PTPN14: variants seen among roughly 807,000 people sequenced by gnomAD.
PTPN14 encodes the protein tyrosine-protein phosphatase non-receptor type 14.
A neutral mutation model predicts 126.8 loss-of-function variants in PTPN14; 53 were observed. That is an observed-to-expected ratio of 0.42 (90% CI 0.34 to 0.53). PTPN14 has a LOEUF of 0.53. Ranked by LOEUF, PTPN14 falls within the 20% of genes least tolerant of loss-of-function variation. The probability of loss-of-function intolerance (pLI) is 0.08; values close to 1 mark genes in which losing one functional copy is unlikely to be tolerated. For missense variants in PTPN14, 1,257 were observed against 1,552.9 expected (o/e 0.81, Z 3.20); for synonymous variants, 630 against 599.3 (o/e 1.05, Z -0.75).
At chr1:214,362,852 A>AT (rs1239405670) in intron 18 of PTPN14, among the ~76,000 whole-genome samples, 4 of 152,232 alleles carry the variant, frequency 2.6e-5, no homozygotes, top group African/African-American at 9.6e-5. Context: ...AAAGAAAAAA[A>AT]GAAAAGAAAA....
intron 1 of PTPN14, among the ~76,000 whole-genome samples, chr1:214,543,136 T>G (rs7541263): frequency 0.26 from 40,190 of 152,096 alleles, 8,050 homozygotes; most frequent in African/African-American, 0.56. Flanking sequence ...AATAATGGGG[T>G]ATTCTGCCTT....
intron 1 of PTPN14, among the ~76,000 whole-genome samples, chr1:214,467,287 G>A (rs1660662021): frequency 6.6e-6 from 1 of 151,964 alleles, no homozygotes; most frequent in South Asian, 2.1e-4. Context: ...GAACACAAGA[G>A]GCCAAGATTC....
At chr1:214,376,564 GTT>G (rs1301161672) in intron 14 of PTPN14, 127 bp from the exon 15 acceptor site, 5 of 786,078 alleles carry the variant, frequency 6.4e-6, no homozygotes, top group Non-Finnish European at 1.0e-5. Flanking sequence ...TCAATGCTTG[GTT>G]TGTCTCATTA....
chr1:214,362,724 G>A (rs956734493), intron 18 of PTPN14, among the ~76,000 whole-genome samples: 4 of 152,202 alleles, frequency 2.6e-5, no homozygotes, highest in African/African-American at 9.7e-5. Context: ...GGAAAGAAGT[G>A]GAGTGGCCAG....
chr1:214,475,554 C>T (rs187978283), intron 1 of PTPN14, among the ~76,000 whole-genome samples: 1 of 152,164 alleles, frequency 6.6e-6, no homozygotes, highest in Admixed American at 6.5e-5. Context: ...GGGAGATGTG[C>T]ATTCTGCAAC....
At chr1:214,424,026 G>T (rs1043550271) in intron 3 of PTPN14, among the ~76,000 whole-genome samples, 1 of 144,160 alleles carries the variant, frequency 6.9e-6, no homozygotes, top group Non-Finnish European at 1.5e-5. Flanking sequence ...GGCCGGGCAC[G>T]GTGGCTCATG....
At chr1:214,392,283 T>C (rs1658774169) in intron 10 of PTPN14, among the ~76,000 whole-genome samples, 1 of 152,022 alleles carries the variant, frequency 6.6e-6, no homozygotes, top group Non-Finnish European at 1.5e-5. Context: ...TTATACTTGG[T>C]TAGGAAGAAG....
At chr1:214,495,169 A>G (rs569879938) in intron 1 of PTPN14, among the ~76,000 whole-genome samples, 2 of 152,358 alleles carry the variant, frequency 1.3e-5, no homozygotes, top group East Asian at 1.9e-4. Flanking sequence ...TTTCAATACT[A>G]TGTTTGAATT....
rs901428748 is a variant in PTPN14 at position 214,384,847 on chromosome 1, C to T, written c.1067-59G>A. The T allele has an allele frequency of 1.9e-6, 3 of 1,542,504 alleles. No individual in the cohort carries two copies. Among genetic ancestry groups the T allele is most frequent in the Admixed American group, 3.9e-5 (2 of 51,250 alleles). On this transcript the variant is annotated intron_variant, in intron 12 of 18. Coordinates refer to ENST00000366956, the MANE Select transcript of PTPN14 (RefSeq NM_005401.5). This position sits in a 1 kb window ranked among gnomAD's most constrained non-coding sequence, Gnocchi z 5.3. ...CAAGCCATCCTGCCACAACAAAGTA[C>T]ATCCTCATACTCATGAGGTGACTTT...
At chr1:214,432,588 T>C (rs1214353933) in intron 3 of PTPN14, among the ~76,000 whole-genome samples, 1 of 152,230 alleles carries the variant, frequency 6.6e-6, no homozygotes, top group Non-Finnish European at 1.5e-5. Flanking sequence ...AATGGGTAAA[T>C]TGTAATGTAT....
At chr1:214,433,395 T>G (rs1314432056) in intron 3 of PTPN14, among the ~76,000 whole-genome samples, 2 of 151,878 alleles carry the variant, frequency 1.3e-5, no homozygotes, top group Admixed American at 6.6e-5. Flanking sequence ...GGTGACAGAT[T>G]TGCAATTTGT....
chr1:214,514,729 A>C (rs184169896), intron 1 of PTPN14, among the ~76,000 whole-genome samples: 1 of 152,192 alleles, frequency 6.6e-6, no homozygotes, highest in East Asian at 1.9e-4. Context: ...TCACCCCATG[A>C]CCCCAGCTCA....
At chr1:214,542,825 C>T (rs1185844118) in intron 1 of PTPN14, among the ~76,000 whole-genome samples, 1 of 152,124 alleles carries the variant, frequency 6.6e-6, no homozygotes, top group Non-Finnish European at 1.5e-5. Context: ...CAGACGCCCA[C>T]GTGGGAATCA....
chr1:214,388,654 C>T (rs1229130817), intron 11 of PTPN14, among the ~76,000 whole-genome samples: 1 of 152,148 alleles, frequency 6.6e-6, no homozygotes, highest in Non-Finnish European at 1.5e-5. Context: ...GTGATCCACC[C>T]ACCTTGGCCT....
At chr1:214,527,618 T>C (rs916427994) in intron 1 of PTPN14, among the ~76,000 whole-genome samples, 7 of 152,228 alleles carry the variant, frequency 4.6e-5, no homozygotes, top group African/African-American at 1.7e-4. Context: ...AAAACTTCTA[T>C]TGACATAACA....
intron 1 of PTPN14, among the ~76,000 whole-genome samples, chr1:214,521,942 T>C (rs963192198): frequency 3.4e-5 from 5 of 146,102 alleles, no homozygotes; most frequent in Admixed American, 3.4e-4. Context: ...GAAGCTTTTT[T>C]TTTTTTTTTT....
At position 214,383,467 on chromosome 1, in the gene PTPN14, C is replaced by T. The variant is rs114986084; in HGVS notation, c.2388G>A (p.Pro796=). The T allele has an allele frequency of 0.015, 23,929 of 1,614,246 alleles. 178 individuals carry two copies. Among genetic ancestry groups the T allele is most frequent in the Non-Finnish European group, 0.018 (20,671 of 1,180,044 alleles). The change falls in exon 13 of 19, where the codon CCG becomes CCA. Residue 796 remains proline, a synonymous_variant. Coordinates refer to ENST00000366956, the MANE Select transcript of PTPN14 (RefSeq NM_005401.5). This position sits in a 1 kb window ranked among gnomAD's most constrained non-coding sequence, Gnocchi z 4.4. ...CGAGAGAGGCCCCGTTGACAGCCGG[C>T]GGGTCAGTCCGAGACATGCTGATGG... The part of the protein sequence containing the change: ...AKAISMSRTD[P]PAVNGASLGP...
At chr1:214,377,769 C>T (rs980716801) in intron 14 of PTPN14, among the ~76,000 whole-genome samples, 190 bp downstream of exon 14, 3 of 152,034 alleles carry the variant, frequency 2.0e-5, no homozygotes, top group African/African-American at 7.2e-5. Context: ...GCAGGAAGAC[C>T]GGAATGGAGA....
chr1:214,382,823 T>A (rs962333312), intron 13 of PTPN14, among the ~76,000 whole-genome samples: 2 of 152,228 alleles, frequency 1.3e-5, no homozygotes, highest in African/African-American at 4.8e-5. Flanking sequence ...TGAATCTGTG[T>A]GAAACATCTA....
Sources: gnomAD v4.1 joint callset for allele counts (sites outside exome capture counted in the v4.1 genomes callset) on GRCh38, gnomAD v4.1.1 for gene constraint, Gnocchi (gnomAD v3.1) non-coding constraint, MANE v1.5 for transcripts, NCBI Gene and HGNC (gene_info 2026-07-23, HGNC 2026-07-21) for gene names.